The following OPN4 variants were observed in gnomAD, a reference collection of about 807,000 sequenced individuals.
The protein encoded by OPN4 is opsin 4.
In OPN4, 43 loss-of-function variants were observed where a neutral mutation model predicts 49.5. The ratio of observed to expected loss-of-function variants is 0.87; its 90% CI spans 0.68 to 1.12. OPN4 has a LOEUF of 1.12. OPN4 is among the 50% of genes most tolerant of loss of function. The pLI is 0.00. For synonymous variants in OPN4, 263 were observed against 258.0 expected, an observed-to-expected ratio of 1.02 and a Z score of -0.19; for missense variants, 657 against 643.9, an observed-to-expected ratio of 1.02 and a Z score of -0.22.
chr10:86,656,216 C>G lies in OPN4; in HGVS notation c.206C>G (p.Ala69Gly), dbSNP rs781558404. 2 of 1,614,038 alleles carry G rather than the reference C, an allele frequency of 1.2e-6. No homozygotes were observed. The highest frequency in any genetic ancestry group is 2.7e-5 in the African/African-American group (2 of 74,934). Residue 69 changes from alanine (A) to glycine (G), a missense_variant, in exon 2 of 10, where the codon GCC becomes GGC. Ala to Gly is a moderately conservative substitution (Grantham distance 60). Transcript: ENST00000241891. Reference protein sequence around the residue: ...PLPTVDVPDHAHYTLGTVILL... With the variant: ...PLPTVDVPDHGHYTLGTVILL... The stretch of plus-strand genomic sequence containing the variant: ...CCCACGGTTGATGTTCCAGACCATG[C>G]CCACTATACCCTGGGCACAGTGATC...
chr10:86,661,330 G>A lies in OPN4; in HGVS notation c.1015G>A (p.Ala339Thr), dbSNP rs759430131. 23 of 1,613,874 alleles carry A rather than the reference G, an allele frequency of 1.4e-5. No homozygotes were observed. The highest frequency in any genetic ancestry group is 1.7e-5 in the Non-Finnish European group (20 of 1,179,982). Residue 339 changes from alanine (A) to threonine (T), a missense_variant, in exon 7 of 10, where the codon GCC becomes ACC. Ala to Thr is a moderately conservative substitution (Grantham distance 58). Coordinates refer to ENST00000241891, the MANE Select transcript of OPN4 (RefSeq NM_033282.4). ...PYMSSVPAVI[A>T]KASAIHNPII... ...CATGAGCTCGGTGCCAGCCGTCATC[G>A]CCAAGGCCTCTGCAATCCACAACCC...
chr10:86,665,735 A>G lies in OPN4; in HGVS notation c.1421A>G (p.Gln474Arg), dbSNP rs1472403235. 6.2e-7 allele frequency: 1 copy of G among 1,613,520 alleles called. No homozygotes were observed. The highest frequency in any genetic ancestry group is 2.2e-5 in the East Asian group (1 of 44,882). ...CAGACCAAGGGGCTGATCCCCAGCCAGGACCCCAGGATGTAGGACGCCCAC... is the reference window on the plus strand; with the variant it reads ...CAGACCAAGGGGCTGATCCCCAGCCGGGACCCCAGGATGTAGGACGCCCAC... ...PGKTKGLIPS[Q>R]DPRM is the part of the protein sequence containing the mutation. Residue 474 changes from glutamine (Q) to arginine (R), a missense_variant, in exon 10 of 10, where the codon CAG (glutamine) becomes CGG (arginine). Physicochemically the swap from Gln to Arg is conservative, Grantham distance 43. Transcript: ENST00000241891.
chr10:86,663,939 T>G, intron 9 of OPN4, 137 bp downstream of exon 9: 1 of 1,039,410 alleles, frequency 9.6e-7, no homozygotes, highest in Non-Finnish European at 1.4e-6. Context: ...TCCCAGCACC[T>G]CCCAGCTTTT....
chr10:86,663,934 G>A, intron 9 of OPN4, 132 bp downstream of exon 9: 1 of 1,092,654 alleles, frequency 9.2e-7, no homozygotes, highest in Non-Finnish European at 1.3e-6. Flanking sequence ...CCTGCTCCCA[G>A]CACCTCCCAG....
rs141089672 is a variant in OPN4, at chr10:86,658,616, G to A, written c.557G>A (p.Arg186His). The change falls in exon 4 of 10, where the codon CGT becomes CAT. Residue 186 changes from arginine to histidine, a missense_variant. Transcript: ENST00000241891. ...LATFGVASKRRAAFVLLGVWL... is the reference protein window; with the variant it reads ...LATFGVASKRHAAFVLLGVWL... The stretch of plus-strand genomic sequence containing the variant: ...ACCTTTGGTGTGGCGTCCAAGAGGC[G>A]TGCGGCATTTGTCCTGCTGGGCGTT... 2.7e-4 allele frequency: 434 copies of A among 1,614,030 alleles called. No individual in the cohort carries two copies. The highest frequency in any genetic ancestry group is 3.2e-4 in the Non-Finnish European group (379 of 1,180,058).
intron 2 of OPN4, among the ~76,000 whole-genome samples, chr10:86,657,397 G>C (rs1435889159): frequency 6.6e-6 from 1 of 152,204 alleles, no homozygotes; most frequent in African/African-American, 2.4e-5. Flanking sequence ...GCTGGTGAAA[G>C]TGCCTGGCCC....
chr10:86,660,172 AG>A (rs1843970705), intron 6 of OPN4, 113 bp downstream of exon 6: 1 of 1,186,658 alleles, frequency 8.4e-7, no homozygotes, highest in Admixed American at 2.0e-5. Flanking sequence ...CTCGCACCCT[AG>A]GACCAGCTTC....
At position 86,660,007 on chromosome 10, in the gene OPN4, T is replaced by C; in HGVS notation, c.913T>C (p.Phe305Leu). 6.2e-7 allele frequency: 1 copy of C among 1,614,214 alleles called. No homozygotes were observed. Among genetic ancestry groups the C allele is most frequent in the Non-Finnish European group, 8.5e-7 (1 of 1,180,024 alleles). The change falls in exon 6 of 10, where the codon TTC becomes CTC. Residue 305 changes from phenylalanine to leucine, a missense_variant. Phe to Leu is a conservative substitution (Grantham distance 22, BLOSUM62 0). Coordinates refer to ENST00000241891, the MANE Select transcript of OPN4 (RefSeq NM_033282.4). The stretch of plus-strand genomic sequence containing the variant: ...GATCATGCTGCTGGTCATCCTCCTC[T>C]TCGTGCTCTCCTGGGCTCCCTATTC... ...AKIMLLVILL[F>L]VLSWAPYSAV...
intron 9 of OPN4, 158 bp downstream of exon 9, chr10:86,663,960 C>T: frequency 1.2e-6 from 1 of 837,816 alleles, no homozygotes; most frequent in Non-Finnish European, 1.8e-6. Context: ...CCTTGTCTGC[C>T]TGGGGTTCTC....
intron 6 of OPN4, among the ~76,000 whole-genome samples, chr10:86,660,512 A>G (rs986744503): frequency 3.3e-5 from 5 of 152,190 alleles, no homozygotes; most frequent in Admixed American, 1.3e-4. Context: ...GTTTTTGAGA[A>G]GTGAGGGCTA....
At chr10:86,662,078 G>A (rs1406591888) in intron 7 of OPN4, among the ~76,000 whole-genome samples, 174 bp from the exon 8 acceptor site, 1 of 151,954 alleles carries the variant, frequency 6.6e-6, no homozygotes, top group Non-Finnish European at 1.5e-5. Flanking sequence ...TCCCCACCCA[G>A]CATCTGTCTT....
intron 2 of OPN4, among the ~76,000 whole-genome samples, chr10:86,656,575 G>A (rs1207062649): frequency 6.6e-6 from 1 of 152,090 alleles, no homozygotes; most frequent in Non-Finnish European, 1.5e-5. Context: ...GAGTATGTGG[G>A]TCTCTGACCA....
Position 86,654,767 on chromosome 10 carries a change from G to T in OPN4, c.-17G>T. 2 of 1,605,210 alleles carry T rather than the reference G, an allele frequency of 1.2e-6. No individual in the cohort carries two copies. The highest frequency in any genetic ancestry group is 2.2e-5 in the South Asian group (2 of 90,716). On this transcript the variant is annotated 5_prime_UTR_variant, in exon 1 of 10. Coordinates refer to ENST00000241891, the MANE Select transcript of OPN4 (RefSeq NM_033282.4). ...TGACTTCTCTGTGGGCTCGAGCAAG[G>T]ACCATCCCAACTCAGGATGAACCCT...
chr10:86,659,982 G>A lies in OPN4; in HGVS notation c.888G>A (p.Lys296=). The A allele has an allele frequency of 6.2e-7, 1 of 1,614,226 alleles. No individual in the cohort carries two copies. The highest frequency in any genetic ancestry group is 8.5e-7 in the Non-Finnish European group (1 of 1,180,016). Residue 296 remains lysine (K), a synonymous_variant, in exon 6 of 10, where the codon AAG becomes AAA. Coordinates refer to ENST00000241891, the MANE Select transcript of OPN4 (RefSeq NM_033282.4). ...QRLQSECKMA[K]IMLLVILLFV... is the part of the protein sequence containing the mutation. ...TGCAGAGCGAGTGCAAGATGGCCAA[G>A]ATCATGCTGCTGGTCATCCTCCTCT... is the stretch of plus-strand genomic sequence containing the variant.
chr10:86,663,902 G>C (rs1313830552), intron 9 of OPN4, 100 bp downstream of exon 9: 1 of 1,388,564 alleles, frequency 7.2e-7, no homozygotes. Flanking sequence ...TCATGGGCAG[G>C]GGCGATATCC....
chr10:86,658,570 G>T lies in OPN4; in HGVS notation c.511G>T (p.Val171Leu). The T allele has an allele frequency of 6.2e-7, 1 of 1,614,188 alleles. No homozygotes were observed. The highest frequency in any genetic ancestry group is 8.5e-7 in the Non-Finnish European group (1 of 1,180,036). ...GGCCATCGCCCTGGACCGCTACCTG[G>T]TAATCACACGCCCGCTGGCCACCTT... ...LTAIALDRYL[V>L]ITRPLATFGV... The change falls in exon 4 of 10, where the codon GTA becomes TTA. Residue 171 changes from valine (V) to leucine (L), a missense_variant. By Grantham distance (32) the Val-to-Leu change is conservative (BLOSUM62 1). Coordinates refer to ENST00000241891, the MANE Select transcript of OPN4 (RefSeq NM_033282.4).
intron 5 of OPN4, 30 bp downstream of exon 5, chr10:86,659,498 G>A: frequency 6.2e-7 from 1 of 1,609,246 alleles, no homozygotes; most frequent in Non-Finnish European, 8.5e-7. Flanking sequence ...GGGGGCTACA[G>A]GAGGGGGACC....
At position 86,660,143 on chromosome 10, in the gene OPN4, C is replaced by T. The variant is rs1409947940; in HGVS notation, c.965+84C>T. 5 of 1,460,732 alleles carry T rather than the reference C, an allele frequency of 3.4e-6. No individual in the cohort carries two copies. The East Asian group carries it at 9.2e-5, about 27-fold the overall frequency. The allele number at this position is 1,460,732 out of a possible 1,614,324, so 90.5% of individuals were successfully genotyped here. Reference sequence around the variant, plus strand: ...GCCTGGCCAGCCTCTCCTTCCCAGCCCAACCCCGGCCAGCCATCCTCGCAC... The same window carrying T: ...GCCTGGCCAGCCTCTCCTTCCCAGCTCAACCCCGGCCAGCCATCCTCGCAC... On this transcript the variant is annotated intron_variant, in intron 6 of 9. Coordinates refer to ENST00000241891, the MANE Select transcript of OPN4 (RefSeq NM_033282.4).
chr10:86,658,165 G>A lies in OPN4; in HGVS notation c.424G>A (p.Gly142Ser). ...TAAGCAGTGGCTCTTTGGGGAGACA[G>A]GTAGATGCTGGGGCTCCCTTTTGCT... is the stretch of plus-strand genomic sequence containing the variant. ...LYKQWLFGET[G>S]CEFYAFCGAL... The change falls in exon 3 of 10, where the codon GGC becomes AGC. Residue 142 changes from glycine to serine, a missense_variant and splice_region_variant. Coordinates refer to ENST00000241891, the MANE Select transcript of OPN4 (RefSeq NM_033282.4). 2.5e-6 allele frequency: 4 copies of A among 1,613,346 alleles called. No individual in the cohort carries two copies. Among genetic ancestry groups the A allele is most frequent in the Non-Finnish European group, 3.4e-6 (4 of 1,179,844 alleles).
Sources: allele counts gnomAD v4.1 joint callset (sites outside exome capture counted in the v4.1 genomes callset), GRCh38; gene constraint gnomAD v4.1.1; transcripts MANE v1.5; gene names NCBI Gene and HGNC (gene_info 2026-07-23, HGNC 2026-07-21).